Variants in IRAG1 observed in about 807,000 individuals in gnomAD.
The protein encoded by IRAG1 is IP3R-associated cGMP kinase substrate.
In IRAG1, 62 loss-of-function variants were observed where a neutral mutation model predicts 106.2. The ratio of observed to expected loss-of-function variants is 0.58; its 90% CI spans 0.48 to 0.72. The LOEUF (loss-of-function observed/expected upper bound fraction) is 0.72. IRAG1 is among the 30% of genes least tolerant of loss of function. The pLI is 0.00. For synonymous variants in IRAG1, 462 were observed against 443.9 expected (o/e 1.04, Z -0.51); for missense variants, 1,064 against 1,140.7 (o/e 0.93, Z 0.97).
chr11:10,633,688 G>A (rs559518554), intron 3 of IRAG1, among the ~76,000 whole-genome samples: 2 of 152,182 alleles, frequency 1.3e-5, no homozygotes, highest in East Asian at 1.9e-4. Flanking sequence ...GGCATTAAAT[G>A]TTTTAACCTC....
chr11:10,649,328 T>TG (rs974144240), intron 2 of IRAG1, among the ~76,000 whole-genome samples: 4 of 152,088 alleles, frequency 2.6e-5, no homozygotes, highest in Admixed American at 1.3e-4. Flanking sequence ...GGCCTTTGGT[T>TG]GGGGGGGTCT....
At chr11:10,622,647 G>A (rs991231099) in intron 10 of IRAG1, among the ~76,000 whole-genome samples, 1 of 152,060 alleles carries the variant, frequency 6.6e-6, no homozygotes, top group African/African-American at 2.4e-5. Flanking sequence ...TGGGACTACA[G>A]GTGTGTGTCA....
intron 20 of IRAG1, among the ~76,000 whole-genome samples, chr11:10,578,401 T>C (rs918981): frequency 0.61 from 93,211 of 152,094 alleles, 29,125 homozygotes; most frequent in East Asian, 0.72. Flanking sequence ...TATTGGGGTT[T>C]ACCCAAAGTT....
chr11:10,604,287 G>T, intron 13 of IRAG1, 118 bp downstream of exon 13: 1 of 1,298,806 alleles, frequency 7.7e-7, no homozygotes, highest in Non-Finnish European at 1.1e-6. Context: ...TCAGAGTCTT[G>T]GCTCAATTTT....
In IRAG1 at chr11:10,680,399, AGG is replaced by A. The variant is rs1564942627; in HGVS notation, c.67+13135_67+13136del. On this transcript the variant is annotated intron_variant, in intron 1 of 20. Coordinates refer to ENST00000423302, the MANE Select transcript of IRAG1 (RefSeq NM_130385.4). ...AAGGAAGGAAGGAAGGAAGGAAGGA[AGG>A]AAGGAAAGAAAGGGAAAGAAAGAAA... Among the ~76,000 whole-genome samples, 788 of 127,432 alleles carry A rather than the reference AGG, an allele frequency of 6.2e-3. 20 individuals carry two copies. Among genetic ancestry groups the A allele is most frequent in the Middle Eastern group, 7.4e-3 (2 of 270 alleles). 83.6% of individuals were successfully genotyped at this position (127,432 alleles called of 152,430 possible). A position where few individuals can be genotyped will look rare whatever the true frequency, so the allele number is the denominator to read the frequency against.
At chr11:10,604,984 C>A (rs1367299186) in intron 12 of IRAG1, among the ~76,000 whole-genome samples, 1 of 152,182 alleles carries the variant, frequency 6.6e-6, no homozygotes, top group African/African-American at 2.4e-5. Flanking sequence ...GAGATTTAAG[C>A]ATTGTTGACG....
At chr11:10,642,016 T>C (rs1304627331) in intron 2 of IRAG1, among the ~76,000 whole-genome samples, 1 of 152,114 alleles carries the variant, frequency 6.6e-6, no homozygotes, top group African/African-American at 2.4e-5. Flanking sequence ...AGCTGCACTC[T>C]CCTTCACAGA....
chr11:10,680,404 G>GGAAAAAAAGGAAA lies in IRAG1; in HGVS notation c.67+13131_67+13132insTTTCCTTTTTTTC, dbSNP rs1554935663. Among the ~76,000 whole-genome samples the GGAAAAAAAGGAAA allele has an allele frequency of 3.7e-4, 30 of 82,140 alleles. No homozygotes were observed. In the East Asian group the frequency reaches 0.015, roughly 42 times the overall value. The allele number at this position is 82,140 out of a possible 152,430, so 53.9% of individuals were successfully genotyped here. A position where few individuals can be genotyped will look rare whatever the true frequency, so the allele number is the denominator to read the frequency against. ...AGGAAGGAAGGAAGGAAGGAAGGAA[G>GGAAAAAAAGGAAA]GAAAGAAAGGGAAAGAAAGAAAGAG... On this transcript the variant is annotated intron_variant, in intron 1 of 20. Transcript: ENST00000423302.
At position 10,627,426 on chromosome 11, in the gene IRAG1, C is replaced by T. The variant is rs148881075; in HGVS notation, c.750+290G>A. 2.4e-3 allele frequency among the ~76,000 whole-genome samples: 369 copies of T among 152,308 alleles called. 1 individual carries two copies. The highest frequency in any genetic ancestry group is 8.1e-3 in the African/African-American group (336 of 41,562). ...CTGGAGCTGACAGGAGCCACAGTCTCACCTGGCCTGGAGGTCCCCCTTGTC... is the reference window on the plus strand; with the variant it reads ...CTGGAGCTGACAGGAGCCACAGTCTTACCTGGCCTGGAGGTCCCCCTTGTC... On this transcript the variant is annotated intron_variant, in intron 8 of 20. Transcript: ENST00000423302.
intron 11 of IRAG1, among the ~76,000 whole-genome samples, chr11:10,609,380 A>T (rs947017243): frequency 6.6e-6 from 1 of 152,146 alleles, no homozygotes; most frequent in Non-Finnish European, 1.5e-5. Context: ...CTATCTCTAC[A>T]AAAAAATATT....
rs1001134838 is a variant in IRAG1 at position 10,587,392 on chromosome 11, C to T, written c.2240+4156G>A. ...CATGGTTCCCTCTGACAAGCCCAGC[C>T]CAGGGAACCCAAGCTTCCTTACTCC... On this transcript the variant is annotated intron_variant, in intron 18 of 20. Transcript: ENST00000423302. Among the ~76,000 whole-genome samples, 4 of 152,234 alleles carry T rather than the reference C, an allele frequency of 2.6e-5. No homozygotes were observed. In the East Asian group the frequency reaches 7.7e-4, roughly 29 times the overall value.
chr11:10,600,161 C>T lies in IRAG1; in HGVS notation c.2017+757G>A, dbSNP rs138638776. The stretch of plus-strand genomic sequence containing the variant: ...TCCTATTTTTACTTTAAAACACCAA[C>T]AAGATACCATCCCTCTTTGAAGGCT... On this transcript the variant is annotated intron_variant, in intron 15 of 20. Transcript: ENST00000423302. 4.5e-4 allele frequency among the ~76,000 whole-genome samples: 69 copies of T among 152,334 alleles called. 2 individuals are homozygous for T. In the East Asian group the frequency reaches 9.3e-3, roughly 20 times the overall value.
intron 3 of IRAG1, among the ~76,000 whole-genome samples, chr11:10,633,108 A>T (rs540236734): frequency 0.011 from 1,456 of 130,126 alleles, 17 homozygotes; most frequent in African/African-American, 0.032. Flanking sequence ...GGAGTCTCGC[A>T]CTGTCGCCCA....
intron 1 of IRAG1, among the ~76,000 whole-genome samples, chr11:10,676,445 G>T (rs1860681185): frequency 1.3e-5 from 2 of 152,230 alleles, no homozygotes; most frequent in Non-Finnish European, 2.9e-5. Context: ...ACCCCACTGT[G>T]GGATTGGAGC....
chr11:10,617,140 C>A (rs1336884030), intron 10 of IRAG1: 3 of 985,382 alleles, frequency 3.0e-6, no homozygotes, highest in Non-Finnish European at 3.6e-6. Flanking sequence ...TACTTCTCTG[C>A]CTCAGCCTAC....
In IRAG1 at chr11:10,576,290, C is replaced by T; in HGVS notation, c.*42G>A. The T allele has an allele frequency of 6.2e-7, 1 of 1,608,358 alleles. No homozygotes were observed. On this transcript the variant is annotated 3_prime_UTR_variant, in exon 21 of 21. Coordinates refer to ENST00000423302, the MANE Select transcript of IRAG1 (RefSeq NM_130385.4). ...TTATACTTGGGGAAAGGGTGGTAGTCTGAGTGTCTCAGAGCAGGGCACTGG... is the reference window on the plus strand; with the variant it reads ...TTATACTTGGGGAAAGGGTGGTAGTTTGAGTGTCTCAGAGCAGGGCACTGG...
At position 10,574,087 on chromosome 11, in the gene IRAG1, TA is replaced by T. The variant is rs1051293348; in HGVS notation, c.*2244del. 1 of 152,632 alleles carries T rather than the reference TA, an allele frequency of 6.6e-6. No individual in the cohort carries two copies. Among genetic ancestry groups the T allele is most frequent in the Non-Finnish European group, 1.5e-5 (1 of 68,390 alleles). 9.5% of individuals were successfully genotyped at this position (152,632 alleles called of 1,614,324 possible). A position where few individuals can be genotyped will look rare whatever the true frequency, so the allele number is the denominator to read the frequency against. On this transcript the variant is annotated 3_prime_UTR_variant, in exon 21 of 21. Coordinates refer to ENST00000423302, the MANE Select transcript of IRAG1 (RefSeq NM_130385.4). ...GCCCCCTTCAATAAACATGCTATTT[TA>T]AAGTGGGGCATGCTTGGGGTGGGGG...
chr11:10,605,765 T>C (rs1050505399), intron 12 of IRAG1, among the ~76,000 whole-genome samples: 1 of 152,248 alleles, frequency 6.6e-6, no homozygotes. Context: ...TTAGAGCTCA[T>C]AGCCCAGTGA....
chr11:10,652,445 T>C, intron 1 of IRAG1: 1 of 835,192 alleles, frequency 1.2e-6, no homozygotes, highest in Non-Finnish European at 1.7e-6. Flanking sequence ...GGGAGAAATG[T>C]GCTTCGAACT....
Sources: gnomAD v4.1 joint callset for allele counts (sites outside exome capture counted in the v4.1 genomes callset) on GRCh38, gnomAD v4.1.1 for gene constraint, MANE v1.5 for transcripts, NCBI Gene and HGNC (gene_info 2026-07-23, HGNC 2026-07-21) for gene names.